NPLOC4: variants seen among roughly 807,000 people sequenced by gnomAD.
The protein encoded by NPLOC4 is NPL4 homolog, ubiquitin recognition factor, also known as nuclear protein localization protein 4 homolog.
NPLOC4 carries 18 observed loss-of-function variants against 80.6 expected under a neutral mutation model. The ratio of observed to expected loss-of-function variants is 0.22; its 90% confidence interval spans 0.15 to 0.33. The LOEUF (loss-of-function observed/expected upper bound fraction) is 0.33, where lower values mean the gene tolerates loss of function less well. Among genes scored for constraint, NPLOC4 ranks in the 10% least tolerant of loss-of-function variants. The pLI is 1.00. For synonymous variants in NPLOC4, 313 were observed against 301.5 expected, an observed-to-expected ratio of 1.04 and a Z score of -0.39; for missense variants, 540 against 786.1, an observed-to-expected ratio of 0.69 and a Z score of 3.74.
intron 11 of NPLOC4, among the ~76,000 whole-genome samples, chr17:81,591,447 G>GAAAAAAAAAAAAAA (rs71367067): frequency 1.6e-4 from 12 of 76,322 alleles, no homozygotes; most frequent in Non-Finnish European, 2.4e-4. Flanking sequence ...GAGTAAAACA[G>GAAAAAAAAAAAAAA]AAAAAAAAAA....
chr17:81,583,240 T>G (rs990650140), intron 12 of NPLOC4, among the ~76,000 whole-genome samples: 35 of 152,248 alleles, frequency 2.3e-4, no homozygotes, highest in African/African-American at 8.4e-4. Flanking sequence ...GGAGGATGTA[T>G]AGGGTGTTAA....
At chr17:81,620,861 T>C (rs1461679038) in intron 3 of NPLOC4, among the ~76,000 whole-genome samples, 1 of 151,772 alleles carries the variant, frequency 6.6e-6, no homozygotes, top group African/African-American at 2.4e-5. Flanking sequence ...TTTTAAAAAA[T>C]TACCAGCTAG....
rs188626924 is a variant in NPLOC4, at chr17:81,604,225, A to C, written c.834+323T>G. On this transcript the variant is annotated intron_variant, in intron 8 of 16. Transcript: ENST00000331134. ...GACTGCTGCATGGTGGAAGAGACAC[A>C]GAATGACACAAGGACTGAGCACCTG... 6.5e-4 allele frequency among the ~76,000 whole-genome samples: 99 copies of C among 152,316 alleles called. No individual in the cohort carries two copies. The East Asian group carries it at 0.014, about 22-fold the overall frequency.
intron 3 of NPLOC4, among the ~76,000 whole-genome samples, chr17:81,618,485 T>G (rs1598676041): frequency 6.9e-6 from 1 of 144,960 alleles, no homozygotes; most frequent in African/African-American, 2.6e-5. Context: ...GGGAGGAAGG[T>G]GGGGGGTCAG....
intron 1 of NPLOC4, among the ~76,000 whole-genome samples, chr17:81,631,614 C>A (rs2035933148): frequency 6.6e-6 from 1 of 151,832 alleles, no homozygotes; most frequent in Non-Finnish European, 1.5e-5. Context: ...CTGCTTTAGA[C>A]AAGGAGGATG....
At chr17:81,563,310 T>A (rs560789351) in intron 16 of NPLOC4, 3 of 151,902 alleles carry the variant, frequency 2.0e-5, no homozygotes, top group Non-Finnish European at 4.4e-5. Flanking sequence ...CTTGACGTTG[T>A]GATCCACCTG....
chr17:81,597,328 G>A lies in NPLOC4; in HGVS notation c.922-12C>T, dbSNP rs758282787. ...AATATCCAGCCAACCTTAAAAAAAGGAAAGTAGCTTTTAAACATCTCCTCA... is the reference window on the plus strand; with the variant it reads ...AATATCCAGCCAACCTTAAAAAAAGAAAAGTAGCTTTTAAACATCTCCTCA... On this transcript the variant is annotated splice_polypyrimidine_tract_variant and intron_variant, in intron 9 of 16. Transcript: ENST00000331134. 1 of 1,609,382 alleles carries A rather than the reference G, an allele frequency of 6.2e-7. No homozygotes were observed. The highest frequency in any genetic ancestry group is 8.5e-7 in the Non-Finnish European group (1 of 1,175,820).
rs1171314402 is a variant in NPLOC4, at chr17:81,608,811, C to T, written c.447G>A (p.Glu149=). Residue 149 remains glutamate (E), a synonymous_variant, in exon 6 of 17, where the codon GAG becomes GAA. Transcript: ENST00000331134. The part of the protein sequence containing the change: ...VHCVPLEPFD[E]DYLNHLEPPV... ...GAGGCTCGAGATGGTTTAGATAGTC[C>T]TCATCGAATGGCTGCCAAGACACAG... 6.3e-7 allele frequency: 1 copy of T among 1,581,860 alleles called. No individual in the cohort carries two copies. Among genetic ancestry groups the T allele is most frequent in the South Asian group, 1.2e-5 (1 of 86,280 alleles).
At chr17:81,587,428 G>A (rs1173755933) in intron 12 of NPLOC4, among the ~76,000 whole-genome samples, 2 of 151,542 alleles carry the variant, frequency 1.3e-5, no homozygotes, top group Non-Finnish European at 2.9e-5. Context: ...CCATTCTCCT[G>A]CCTCAGCCTC....
intron 16 of NPLOC4, chr17:81,564,094 A>G (rs1426463190): frequency 3.6e-5 from 12 of 336,544 alleles, no homozygotes; most frequent in African/African-American, 2.7e-4. Flanking sequence ...ACACACACAC[A>G]CACACACACA....
chr17:81,623,200 G>A (rs998852388), intron 2 of NPLOC4, among the ~76,000 whole-genome samples: 2 of 151,938 alleles, frequency 1.3e-5, no homozygotes, highest in South Asian at 4.2e-4. Flanking sequence ...GGCCGGGTGT[G>A]GAGGCTCACA....
chr17:81,608,372 G>A (rs7406756), intron 6 of NPLOC4, among the ~76,000 whole-genome samples: 1,524 of 152,290 alleles, frequency 0.01, 67 homozygotes, highest in East Asian at 0.073. Flanking sequence ...CTGTGGCCAC[G>A]CAGCCAGGCG....
At chr17:81,584,069 C>G (rs2034511991) in intron 12 of NPLOC4, among the ~76,000 whole-genome samples, 1 of 152,174 alleles carries the variant, frequency 6.6e-6, no homozygotes, top group Non-Finnish European at 1.5e-5. Flanking sequence ...ATTTTTATTG[C>G]CAGAGACAAC....
intron 16 of NPLOC4, among the ~76,000 whole-genome samples, chr17:81,561,289 G>A (rs895811045): frequency 1.3e-5 from 2 of 151,972 alleles, no homozygotes; most frequent in African/African-American, 4.8e-5. Context: ...TTCACCCTCC[G>A]CCCAGCTTCT....
At chr17:81,592,458 G>A (rs945870415) in intron 11 of NPLOC4, among the ~76,000 whole-genome samples, 3 of 152,228 alleles carry the variant, frequency 2.0e-5, no homozygotes, top group African/African-American at 7.2e-5. Flanking sequence ...CAGACACAAA[G>A]GGGCTGTCAC....
chr17:81,583,049 CAG>C (rs1304143558), intron 12 of NPLOC4, among the ~76,000 whole-genome samples: 6 of 152,280 alleles, frequency 3.9e-5, no homozygotes, highest in East Asian at 3.8e-4. Flanking sequence ...CCACGTGACG[CAG>C]AGTGTGTGTG....
chr17:81,570,008 T>A (rs2034118965), intron 13 of NPLOC4, among the ~76,000 whole-genome samples: 1 of 152,244 alleles, frequency 6.6e-6, no homozygotes, highest in Non-Finnish European at 1.5e-5. Flanking sequence ...TTCTGGTTCC[T>A]TTGGGACTAT....
At chr17:81,596,559 CTG>C (rs2034913256) in intron 10 of NPLOC4, among the ~76,000 whole-genome samples, 1 of 152,162 alleles carries the variant, frequency 6.6e-6, no homozygotes, top group Non-Finnish European at 1.5e-5. Context: ...CAGCAAGACT[CTG>C]TCTCAAAAAA....
intron 13 of NPLOC4, among the ~76,000 whole-genome samples, chr17:81,570,695 G>A (rs940350587): frequency 6.6e-6 from 1 of 152,290 alleles, no homozygotes; most frequent in South Asian, 2.1e-4. Flanking sequence ...ACACTGGCTG[G>A]TGCCTTTTCC....
Sources: gnomAD v4.1 joint callset for allele counts (sites outside exome capture counted in the v4.1 genomes callset) on GRCh38, gnomAD v4.1.1 for gene constraint, MANE v1.5 for transcripts, NCBI Gene and HGNC (gene_info 2026-07-23, HGNC 2026-07-21) for gene names.